The following SERPINC1 variants were observed in gnomAD, a reference collection of about 807,000 sequenced individuals.
SERPINC1 encodes the protein antithrombin-III.
Under a neutral mutation model 43.4 loss-of-function variants are expected in SERPINC1, and 12 were observed. The observed-to-expected ratio is 0.28, with a 90% confidence interval of 0.18 to 0.45. The LOEUF (loss-of-function observed/expected upper bound fraction) is 0.45. Among genes scored for constraint, SERPINC1 ranks in the 20% least tolerant of loss-of-function variants. The pLI is 1.00. For synonymous variants in SERPINC1, 210 were observed against 218.9 expected (o/e 0.96, Z 0.36); for missense variants, 423 against 578.8 (o/e 0.73, Z 2.76).
intron 3 of SERPINC1, 147 bp downstream of exon 3, chr1:173,911,652 A>T: frequency 1.4e-6 from 1 of 700,822 alleles, no homozygotes; most frequent in Non-Finnish European, 2.6e-6. Flanking sequence ...AAGTAAGAAT[A>T]ACTATTGCAG....
chr1:173,906,936 G>A (rs1657541027), intron 6 of SERPINC1, among the ~76,000 whole-genome samples: 1 of 152,090 alleles, frequency 6.6e-6, no homozygotes, highest in African/African-American at 2.4e-5. Flanking sequence ...TGACCAACAT[G>A]GAGAAACCCT....
At position 173,911,805 on chromosome 1, in the gene SERPINC1, G is replaced by A. The variant is rs1445894407; in HGVS notation, c.618C>T (p.Asp206=). The change falls in exon 3 of 7, where the codon GAC becomes GAT. Residue 206 remains aspartate, a synonymous_variant. Coordinates refer to ENST00000367698, the MANE Select transcript of SERPINC1 (RefSeq NM_000488.4). ...GGTAACATCTGCAACTCACCTTGAA[G>A]TCCAGGGGCTGGAGCTTGGCTCCAT... ...LVYGAKLQPL[D]FKENAEQSRA... is the part of the protein sequence containing the mutation. 3 of 1,613,424 alleles carry A rather than the reference G, an allele frequency of 1.9e-6. No homozygotes were observed. The highest frequency in any genetic ancestry group is 2.5e-6 in the Non-Finnish European group (3 of 1,179,424).
At chr1:173,916,415 G>T (rs934131195) in intron 1 of SERPINC1, among the ~76,000 whole-genome samples, 3 of 152,204 alleles carry the variant, frequency 2.0e-5, no homozygotes, top group African/African-American at 7.2e-5. Flanking sequence ...GCCTTCTTGC[G>T]TGGTCTGAGT....
Position 173,907,505 on chromosome 1 carries a change from G to A in SERPINC1, c.1163C>T (p.Ala388Val). ...GACATAGAGGTCATCTCGGCCTTCT[G>A]CAACAATACCTGGAAGGAAGACCGG... ...PEKSKLPGIV[A>V]EGRDDLYVSD... Residue 388 changes from alanine (A) to valine (V), a missense_variant, in exon 6 of 7, where the codon GCA (alanine) becomes GTA (valine). Physicochemically the swap from Ala to Val is moderately conservative, Grantham distance 64. Transcript: ENST00000367698. 6.2e-7 allele frequency: 1 copy of A among 1,613,762 alleles called. No homozygotes were observed. The highest frequency in any genetic ancestry group is 8.5e-7 in the Non-Finnish European group (1 of 1,179,674).
rs779121500 is a variant in SERPINC1 at position 173,910,904 on chromosome 1, G to C, written c.625-13C>G. On this transcript the variant is annotated splice_polypyrimidine_tract_variant and intron_variant, in intron 3 of 6. Transcript: ENST00000367698. ...GCTCTGCATTTTCCTGAGGAGAACAGAAAATAAACCTACTCACCTGTGCTA... is the reference window on the plus strand; with the variant it reads ...GCTCTGCATTTTCCTGAGGAGAACACAAAATAAACCTACTCACCTGTGCTA... 10 of 1,613,972 alleles carry C rather than the reference G, an allele frequency of 6.2e-6. No homozygotes were observed. In the South Asian group the frequency reaches 1.1e-4, roughly 18 times the overall value.
intron 2 of SERPINC1, among the ~76,000 whole-genome samples, chr1:173,914,042 C>A (rs547845181): frequency 8.6e-5 from 13 of 151,186 alleles, no homozygotes; most frequent in African/African-American, 2.9e-4. Flanking sequence ...TGCACCACTG[C>A]ACTCCAGCCT....
intron 6 of SERPINC1, among the ~76,000 whole-genome samples, chr1:173,905,163 C>CA (rs1465957909): frequency 6.6e-6 from 1 of 152,196 alleles, no homozygotes; most frequent in Non-Finnish European, 1.5e-5. Context: ...CCTGAGGACT[C>CA]AATTTCCCTT....
At chr1:173,910,652 A>C in intron 4 of SERPINC1, 102 bp downstream of exon 4, 4 of 1,077,084 alleles carry the variant, frequency 3.7e-6, no homozygotes. Flanking sequence ...TCGGCAGTCC[A>C]TTTGCCCTCT....
chr1:173,914,715 T>C lies in SERPINC1; in HGVS notation c.246A>G (p.Glu82=), dbSNP rs1657914828. 6 of 1,614,206 alleles carry C rather than the reference T, an allele frequency of 3.7e-6. No homozygotes were observed. Among genetic ancestry groups the C allele is most frequent in the Non-Finnish European group, 5.1e-6 (6 of 1,180,046 alleles). Residue 82 remains glutamate (E), a synonymous_variant, in exon 2 of 7, where the codon GAA becomes GAG. Coordinates refer to ENST00000367698, the MANE Select transcript of SERPINC1 (RefSeq NM_000488.4). ...CAAAGCGGGAATTGGCCTTGGACAG[T>C]TCCCAGACACGCCGGTTGGTGGCCT... ...IPEATNRRVW[E]LSKANSRFAT...
intron 6 of SERPINC1, 65 bp from the exon 7 acceptor site, chr1:173,904,130 C>A: frequency 6.9e-7 from 1 of 1,455,244 alleles, no homozygotes; most frequent in South Asian, 1.1e-5. Context: ...GCAGGTAAAT[C>A]ATCCACAGAC....
intron 6 of SERPINC1, among the ~76,000 whole-genome samples, chr1:173,905,934 A>G (rs1306705020): frequency 1.3e-5 from 2 of 152,102 alleles, no homozygotes; most frequent in Non-Finnish European, 2.9e-5. Flanking sequence ...AAGCTATCAC[A>G]TTTCCTCGCT....
chr1:173,908,797 C>T (rs1319985804), intron 5 of SERPINC1, among the ~76,000 whole-genome samples: 4 of 152,182 alleles, frequency 2.6e-5, no homozygotes, highest in Admixed American at 6.5e-5. Flanking sequence ...TGGGCTTAGA[C>T]GATCCTCCCA....
At chr1:173,916,907 C>G (rs1171826495) in intron 1 of SERPINC1, among the ~76,000 whole-genome samples, 2 of 152,180 alleles carry the variant, frequency 1.3e-5, no homozygotes, top group African/African-American at 4.8e-5. Flanking sequence ...ATGGCAGGCC[C>G]TGGGGATTCC....
chr1:173,915,185 C>T (rs949657497), intron 1 of SERPINC1: 106 of 1,340,392 alleles, frequency 7.9e-5, no homozygotes, highest in South Asian at 7.9e-4. Flanking sequence ...CAATTCCCCA[C>T]GCTGGGAGAA....
Position 173,910,753 on chromosome 1 carries a change from C to A in SERPINC1, c.762+1G>T. 1 of 1,613,906 alleles carries A rather than the reference C, an allele frequency of 6.2e-7. No individual in the cohort carries two copies. Among genetic ancestry groups the A allele is most frequent in the Non-Finnish European group, 8.5e-7 (1 of 1,179,948 alleles). ...GGTCTCTCCAGGGCCATTCTGAGTA[C>A]CTTGAAGTAAATGGTGTTAACCAGC... On this transcript the variant is annotated splice_donor_variant, in intron 4 of 6. Coordinates refer to ENST00000367698, the MANE Select transcript of SERPINC1 (RefSeq NM_000488.4). LOFTEE classifies it high-confidence loss of function.
chr1:173,916,464 C>T (rs1041585927), intron 1 of SERPINC1, among the ~76,000 whole-genome samples: 3 of 152,122 alleles, frequency 2.0e-5, no homozygotes, highest in Admixed American at 6.5e-5. Context: ...GGTGCAAAGC[C>T]GGAGAGAAGC....
intron 1 of SERPINC1, among the ~76,000 whole-genome samples, chr1:173,915,949 T>C (rs781195398): frequency 6.6e-6 from 1 of 151,988 alleles, no homozygotes; most frequent in Non-Finnish European, 1.5e-5. Flanking sequence ...CCTCCCTCTC[T>C]CCTCCTCATT....
In SERPINC1 at chr1:173,910,792, G is replaced by T; in HGVS notation, c.724C>A (p.Leu242Ile). Residue 242 changes from leucine (L) to isoleucine (I), a missense_variant, in exon 4 of 7, where the codon CTC becomes ATC. Coordinates refer to ENST00000367698, the MANE Select transcript of SERPINC1 (RefSeq NM_000488.4). ...DVIPSEAINE[L>I]TVLVLVNTIY... ...GTGTTAACCAGCACCAGAACAGTGA[G>T]CTCATTGATGGCTTCCGAGGGAATG... 6.2e-7 allele frequency: 1 copy of T among 1,614,118 alleles called. No homozygotes were observed. The highest frequency in any genetic ancestry group is 8.5e-7 in the Non-Finnish European group (1 of 1,180,000).
chr1:173,906,401 T>C (rs1016481521), intron 6 of SERPINC1, among the ~76,000 whole-genome samples: 1 of 152,216 alleles, frequency 6.6e-6, no homozygotes, highest in Non-Finnish European at 1.5e-5. Flanking sequence ...TTGTCAGACC[T>C]CAGCATGTCA....
Sources: allele counts gnomAD v4.1 joint callset (sites outside exome capture counted in the v4.1 genomes callset), GRCh38; gene constraint gnomAD v4.1.1; transcripts MANE v1.5; gene names NCBI Gene and HGNC (gene_info 2026-07-23, HGNC 2026-07-21).